Variants in SYT14 observed in about 807,000 individuals in gnomAD.
The protein encoded by SYT14 is synaptotagmin 14.
In SYT14, 32 loss-of-function variants were observed where a neutral mutation model predicts 74.2. The observed-to-expected ratio is 0.43, with a 90% CI of 0.33 to 0.58. SYT14 has a LOEUF of 0.58. Ranked by LOEUF, SYT14 falls within the 20% of genes least tolerant of loss-of-function variation. SYT14 has a pLI of 0.05. For missense variants in SYT14, 791 were observed against 981.8 expected (o/e 0.81, Z 2.60); for synonymous variants, 298 against 337.7 (o/e 0.88, Z 1.29).
In SYT14 at chr1:210,040,082, C is replaced by A. The variant is rs112193131; in HGVS notation, c.1312+18828C>A. On this transcript the variant is annotated intron_variant, in intron 5 of 9. Transcript: ENST00000637265. ...GACACATGCACACATATGTTTATTGCAGCACTGTTCACAATAGCAAAGACT... is the reference window on the plus strand; with the variant it reads ...GACACATGCACACATATGTTTATTGAAGCACTGTTCACAATAGCAAAGACT... Among the ~76,000 whole-genome samples, 266 of 152,224 alleles carry A rather than the reference C, an allele frequency of 1.7e-3. 1 individual carries two copies. Among genetic ancestry groups the A allele is most frequent in the African/African-American group, 6.3e-3 (261 of 41,526 alleles).
chr1:210,032,460 T>C (rs1158380921), intron 5 of SYT14, among the ~76,000 whole-genome samples: 4 of 152,034 alleles, frequency 2.6e-5, no homozygotes, highest in Non-Finnish European at 5.9e-5. Flanking sequence ...AGAAAGATTC[T>C]TTACCACTAG....
At chr1:210,116,920 T>C (rs1340354841) in intron 7 of SYT14, among the ~76,000 whole-genome samples, 8 of 152,172 alleles carry the variant, frequency 5.3e-5, no homozygotes, top group Non-Finnish European at 1.2e-4. Flanking sequence ...TCTTGAGAGG[T>C]GTCAGTATCC....
intron 2 of SYT14, among the ~76,000 whole-genome samples, chr1:210,003,996 C>T (rs947844364): frequency 1.7e-4 from 26 of 151,958 alleles, no homozygotes; most frequent in African/African-American, 6.0e-4. Flanking sequence ...CTCAATTTTA[C>T]TTTGAAATTG....
intron 7 of SYT14, among the ~76,000 whole-genome samples, chr1:210,132,523 C>T (rs1050113271): frequency 6.6e-5 from 10 of 151,268 alleles, no homozygotes; most frequent in Admixed American, 3.3e-4. Flanking sequence ...AATGACCCCT[C>T]GACAGTCCCT....
chr1:210,110,458 C>T (rs190087490), intron 7 of SYT14, among the ~76,000 whole-genome samples: 5 of 152,246 alleles, frequency 3.3e-5, no homozygotes, highest in Admixed American at 2.6e-4. Flanking sequence ...CAGCAGAGAA[C>T]TTTGCTTCCT....
intron 5 of SYT14, among the ~76,000 whole-genome samples, chr1:210,028,413 C>A (rs2080459632): frequency 6.7e-6 from 1 of 149,214 alleles, no homozygotes; most frequent in Admixed American, 6.7e-5. Flanking sequence ...AACTCCATAC[C>A]CATTAAACAA....
At chr1:209,965,784 A>G in intron 2 of SYT14, 1 of 392,202 alleles carries the variant, frequency 2.5e-6, no homozygotes, top group Non-Finnish European at 5.0e-6. Context: ...TTTCAGCCTC[A>G]TTTTTTGAAA....
intron 1 of SYT14, among the ~76,000 whole-genome samples, chr1:209,948,394 C>T (rs533535234): frequency 6.6e-6 from 1 of 152,318 alleles, no homozygotes; most frequent in East Asian, 1.9e-4. Context: ...TTTTCTCTTA[C>T]ACCCCTTATG....
intron 7 of SYT14, among the ~76,000 whole-genome samples, chr1:210,130,249 G>A (rs2082646471): frequency 6.6e-6 from 1 of 151,882 alleles, no homozygotes; most frequent in South Asian, 2.1e-4. Flanking sequence ...CATATATACT[G>A]TAAAATATTA....
intron 1 of SYT14, among the ~76,000 whole-genome samples, chr1:209,941,911 A>G (rs1432212518): frequency 6.6e-6 from 1 of 152,206 alleles, no homozygotes; most frequent in Non-Finnish European, 1.5e-5. Context: ...ACATCCTCCC[A>G]TATACTTTAA....
chr1:209,979,628 C>A (rs2102792380), intron 2 of SYT14, among the ~76,000 whole-genome samples: 1 of 152,202 alleles, frequency 6.6e-6, no homozygotes, highest in Middle Eastern at 3.4e-3. Flanking sequence ...CAACAGGCCC[C>A]AGTGTGTGTT....
At chr1:209,938,334 C>G in intron 1 of SYT14, 57 bp downstream of exon 1, 2 of 1,515,028 alleles carry the variant, frequency 1.3e-6, no homozygotes, top group African/African-American at 1.4e-5. Flanking sequence ...TGGCGGGGGG[C>G]TCGGAGGTGC....
intron 2 of SYT14, among the ~76,000 whole-genome samples, chr1:209,956,089 A>G (rs1025014013): frequency 6.6e-5 from 10 of 152,098 alleles, no homozygotes; most frequent in Admixed American, 3.3e-4. Flanking sequence ...ACTCCTCATT[A>G]ACCATGGTTC....
chr1:210,148,201 C>T (rs2083080844), intron 7 of SYT14, among the ~76,000 whole-genome samples: 1 of 152,144 alleles, frequency 6.6e-6, no homozygotes, highest in Non-Finnish European at 1.5e-5. Context: ...ATTTCAGCCC[C>T]TATCAGTATT....
exon 10 of SYT14, chr1:210,161,204 A>T (rs1408372595): frequency 6.4e-6 from 5 of 778,238 alleles, no homozygotes; most frequent in Non-Finnish European, 1.1e-5. Flanking sequence ...TCATACTGAC[A>T]TAAATGAAGA....
At chr1:210,109,232 A>C (rs2102573141) in intron 7 of SYT14, among the ~76,000 whole-genome samples, 1 of 152,270 alleles carries the variant, frequency 6.6e-6, no homozygotes, top group East Asian at 1.9e-4. Flanking sequence ...GAGAAATGCA[A>C]ATCAAAAACC....
At chr1:209,970,683 T>A (rs1379280579) in intron 2 of SYT14, among the ~76,000 whole-genome samples, 1 of 69,540 alleles carries the variant, frequency 1.4e-5, no homozygotes, top group African/African-American at 4.8e-5. Flanking sequence ...TTTTTTTTTT[T>A]TTTTTTTTTT....
intron 5 of SYT14, among the ~76,000 whole-genome samples, chr1:210,023,163 C>CT (rs1219413056): frequency 6.6e-6 from 1 of 152,096 alleles, no homozygotes; most frequent in African/African-American, 2.4e-5. Flanking sequence ...ACACAAAAAG[C>CT]TTTCGTGAAC....
At chr1:210,130,901 AT>A (rs1268077138) in intron 7 of SYT14, among the ~76,000 whole-genome samples, 3 of 152,200 alleles carry the variant, frequency 2.0e-5, no homozygotes, top group Non-Finnish European at 4.4e-5. Context: ...TATAAATCAT[AT>A]TTTGCCATTA....
Sources: allele counts gnomAD v4.1 joint callset (sites outside exome capture counted in the v4.1 genomes callset), GRCh38; gene constraint gnomAD v4.1.1; transcripts MANE v1.5; gene names NCBI Gene and HGNC (gene_info 2026-07-23, HGNC 2026-07-21).